The following PDCD4 variants were observed in gnomAD, a reference collection of about 807,000 sequenced individuals.
PDCD4 encodes programmed cell death 4, also known as programmed cell death protein 4.
Under a neutral mutation model 54.0 loss-of-function variants are expected in PDCD4, and 56 were observed. The observed-to-expected ratio is 1.04, with a 90% CI of 0.84 to 1.30. The LOEUF (loss-of-function observed/expected upper bound fraction) is 1.30. PDCD4 is among the 50% of genes most tolerant of loss of function. The probability of loss-of-function intolerance (pLI) is 0.00; values close to 1 mark genes in which losing one functional copy is unlikely to be tolerated. For missense variants in PDCD4, 584 were observed against 559.8 expected, an observed-to-expected ratio of 1.04 and a Z score of -0.44; for synonymous variants, 186 against 194.8, an observed-to-expected ratio of 0.95 and a Z score of 0.37.
chr10:110,873,052 C>G (rs575094597), intron 1 of PDCD4, among the ~76,000 whole-genome samples: 3 of 152,186 alleles, frequency 2.0e-5, no homozygotes, highest in Non-Finnish European at 2.9e-5. Context: ...TCTTGATATT[C>G]TTAACGTGAC....
At chr10:110,888,016 T>C (rs1845696643) in intron 6 of PDCD4, 130 bp downstream of exon 6, 2 of 586,950 alleles carry the variant, frequency 3.4e-6, no homozygotes, top group Non-Finnish European at 6.0e-6. Flanking sequence ...CACCGAAATA[T>C]TCCGCTAGCA....
In PDCD4 at chr10:110,899,163, C is replaced by T. The variant is rs1202245029; in HGVS notation, c.*1075C>T. The T allele has an allele frequency of 6.6e-6, 1 of 152,088 alleles. No individual in the cohort carries two copies. Among genetic ancestry groups the T allele is most frequent in the Non-Finnish European group, 1.5e-5 (1 of 67,992 alleles). 9.4% of individuals were successfully genotyped at this position (152,088 alleles called of 1,614,324 possible). On this transcript the variant is annotated 3_prime_UTR_variant, in exon 12 of 12. Coordinates refer to ENST00000280154, the MANE Select transcript of PDCD4 (RefSeq NM_014456.5). ...ATATTTTTAACCTCTTTTACATAGC[C>T]TAATAACTCAGCAAGGCCTCAACGT...
chr10:110,878,959 A>T (rs768012808), intron 2 of PDCD4, among the ~76,000 whole-genome samples: 12 of 152,192 alleles, frequency 7.9e-5, no homozygotes, highest in Non-Finnish European at 1.3e-4. Context: ...TATAATTACT[A>T]CTGATGGTTA....
intron 2 of PDCD4, chr10:110,880,363 C>CTA (rs1025944133): frequency 3.3e-5 from 5 of 152,178 alleles, no homozygotes; most frequent in Non-Finnish European, 7.3e-5. Context: ...AAGACTTGGG[C>CTA]TATATCCTAA....
At position 110,876,058 on chromosome 10, in the gene PDCD4, G is replaced by A; in HGVS notation, c.31G>A (p.Val11Ile). The change falls in exon 2 of 12, where the codon GTA (valine) becomes ATA (isoleucine). Residue 11 changes from valine to isoleucine, a missense_variant. Val to Ile is a conservative substitution (Grantham distance 29, BLOSUM62 3). Coordinates refer to ENST00000280154, the MANE Select transcript of PDCD4 (RefSeq NM_014456.5). Reference protein sequence around the residue: MDVENEQILNVNPADPDNLSD... With the variant: MDVENEQILNINPADPDNLSD... ...TGTAGAAAATGAGCAGATACTGAAT[G>A]TAAACCCTGCAGGTAAGTAAGGATA... The A allele has an allele frequency of 6.2e-7, 1 of 1,610,388 alleles. No homozygotes were observed. Among genetic ancestry groups the A allele is most frequent in the Non-Finnish European group, 8.5e-7 (1 of 1,177,910 alleles).
chr10:110,883,449 T>TA (rs1484889178), intron 4 of PDCD4, among the ~76,000 whole-genome samples: 10 of 152,248 alleles, frequency 6.6e-5, no homozygotes, highest in African/African-American at 2.4e-4. Context: ...AACTATATAA[T>TA]ACATTTTGTT....
chr10:110,892,756 A>G (rs1216589458), intron 8 of PDCD4, among the ~76,000 whole-genome samples: 1 of 152,120 alleles, frequency 6.6e-6, no homozygotes. Context: ...TAGCCTAAGT[A>G]TACAGTGTTT....
At chr10:110,882,548 A>T (rs1043349558) in intron 3 of PDCD4, among the ~76,000 whole-genome samples, 1 of 152,148 alleles carries the variant, frequency 6.6e-6, no homozygotes, top group Non-Finnish European at 1.5e-5. Context: ...AGAGTACTGT[A>T]TTTGACCTTA....
chr10:110,899,464 AAGCTT>A lies in PDCD4; in HGVS notation c.*1381_*1385del, dbSNP rs1278939229. 1 of 152,174 alleles carries A rather than the reference AAGCTT, an allele frequency of 6.6e-6. No homozygotes were observed. The highest frequency in any genetic ancestry group is 1.5e-5 in the Non-Finnish European group (1 of 68,028). The allele number at this position is 152,174 out of a possible 1,614,324, so 9.4% of individuals were successfully genotyped here. ...AAGTGCTTAAAATTAATGTAATTAA[AAGCTT>A]AGCTGACTACAGAATAGGTGAGGGT... is the stretch of plus-strand genomic sequence containing the variant. On this transcript the variant is annotated 3_prime_UTR_variant, in exon 12 of 12. Transcript: ENST00000280154.
chr10:110,884,238 C>T (rs1050851026), intron 4 of PDCD4, among the ~76,000 whole-genome samples: 22 of 152,160 alleles, frequency 1.4e-4, no homozygotes, highest in African/African-American at 4.8e-4. Flanking sequence ...CTCGTGCATT[C>T]GTCACATGGT....
intron 4 of PDCD4, 62 bp downstream of exon 4, chr10:110,883,159 T>A (rs1845618104): frequency 9.1e-7 from 1 of 1,095,084 alleles, no homozygotes; most frequent in Non-Finnish European, 1.3e-6. Context: ...GACTTCATGT[T>A]TGTAGTTTAC....
chr10:110,876,368 A>G (rs978452728), intron 2 of PDCD4, among the ~76,000 whole-genome samples: 1 of 152,252 alleles, frequency 6.6e-6, no homozygotes. Context: ...TATTTTATAA[A>G]AACATGATAG....
intron 4 of PDCD4, 57 bp downstream of exon 4, chr10:110,883,154 C>A: frequency 8.6e-7 from 1 of 1,159,238 alleles, no homozygotes; most frequent in Admixed American, 2.3e-5. Flanking sequence ...TTTTTGACTT[C>A]ATGTTTGTAG....
At chr10:110,893,680 G>A (rs1564685347) in intron 8 of PDCD4, among the ~76,000 whole-genome samples, 1 of 151,952 alleles carries the variant, frequency 6.6e-6, no homozygotes, top group African/African-American at 2.4e-5. Flanking sequence ...TTGGCTCTCA[G>A]TGCACTATTA....
intron 11 of PDCD4, among the ~76,000 whole-genome samples, chr10:110,897,791 CTGTT>C (rs1313226667): frequency 6.0e-5 from 9 of 151,026 alleles, no homozygotes; most frequent in East Asian, 1.9e-4. Flanking sequence ...TAATGTGACT[CTGTT>C]TGGATAGTGA....
At position 110,878,817 on chromosome 10, in the gene PDCD4, T is replaced by C. The variant is rs1393396840; in HGVS notation, c.44-2416T>C. ...AAGCTTATAGACCACATATGTAAAG[T>C]GCCTTAGCTAATAGGTACCAGGTAG... On this transcript the variant is annotated intron_variant, in intron 2 of 11. Coordinates refer to ENST00000280154, the MANE Select transcript of PDCD4 (RefSeq NM_014456.5). 2.0e-5 allele frequency among the ~76,000 whole-genome samples: 3 copies of C among 152,176 alleles called. No homozygotes were observed. The East Asian group carries it at 5.8e-4, about 29-fold the overall frequency.
At chr10:110,875,647 G>A (rs1482652603) in intron 1 of PDCD4, among the ~76,000 whole-genome samples, 2 of 152,058 alleles carry the variant, frequency 1.3e-5, no homozygotes, top group Non-Finnish European at 2.9e-5. Context: ...TAAAAGATTT[G>A]GATGTGTGTA....
At chr10:110,880,903 G>T (rs1030836514) in intron 2 of PDCD4, among the ~76,000 whole-genome samples, 3 of 152,100 alleles carry the variant, frequency 2.0e-5, no homozygotes, top group African/African-American at 7.2e-5. Context: ...TTTTATATTT[G>T]GTGTTGCTGT....
rs1447082126 is a variant in PDCD4, at chr10:110,898,706, GAATGTACACCAA to G, written c.*622_*633del. 6.6e-6 allele frequency: 1 copy of G among 152,562 alleles called. No individual in the cohort carries two copies. Among genetic ancestry groups the G allele is most frequent in the Admixed American group, 6.5e-5 (1 of 15,280 alleles). The allele number at this position is 152,562 out of a possible 1,614,324, so 9.5% of individuals were successfully genotyped here. A position where few individuals can be genotyped will look rare whatever the true frequency, so the allele number is the denominator to read the frequency against. ...TGGAAAAATGAACCTGGTTCTAGAA[GAATGTACACCAA>G]AATAAAACATGTGAAGCAGTATTGA... On this transcript the variant is annotated 3_prime_UTR_variant, in exon 12 of 12. Coordinates refer to ENST00000280154, the MANE Select transcript of PDCD4 (RefSeq NM_014456.5).
Sources: allele counts gnomAD v4.1 joint callset (sites outside exome capture counted in the v4.1 genomes callset), GRCh38; gene constraint gnomAD v4.1.1; transcripts MANE v1.5; gene names NCBI Gene and HGNC (gene_info 2026-07-23, HGNC 2026-07-21).